Variants in GOLGA6L2 observed in about 807,000 individuals in gnomAD.
The protein encoded by GOLGA6L2 is golgin subfamily A member 6-like protein 2.
A neutral mutation model predicts 35.9 loss-of-function variants in GOLGA6L2; 30 were observed. The ratio of observed to expected loss-of-function variants is 0.83; its 90% CI spans 0.62 to 1.13. GOLGA6L2 has a LOEUF of 1.13. Among genes scored for constraint, GOLGA6L2 ranks in the 50% most tolerant of loss-of-function variants. The pLI, the probability that GOLGA6L2 is intolerant of heterozygous loss-of-function variation, is 0.00. For missense variants in GOLGA6L2, 821 were observed against 973.4 expected (o/e 0.84, Z 2.08); for synonymous variants, 297 against 344.0 (o/e 0.86, Z 1.51).
chr15:23,443,824 G>C lies in GOLGA6L2; in HGVS notation c.544C>G (p.Gln182Glu). ...GTGGACACAGCAGAGAGAGCCCGCT[G>C]TAACTCTCCTGCAAAGTGCCAGGAA... Reference protein sequence around the residue: ...HHSWHFAGELQRALSAVSTWH... With the variant: ...HHSWHFAGELERALSAVSTWH... The change falls in exon 5 of 8, where the codon CAG becomes GAG. Residue 182 changes from glutamine to glutamate, a missense_variant. Gln to Glu is a conservative substitution (Grantham distance 29). This residue lies in a region of GOLGA6L2 where 614 missense variants were observed against 632.3 expected (regional missense o/e 0.97). Coordinates refer to ENST00000567107, the MANE Select transcript of GOLGA6L2 (RefSeq NM_001304388.2). 1.3e-6 allele frequency: 2 copies of C among 1,540,022 alleles called. No homozygotes were observed. Among genetic ancestry groups the C allele is most frequent in the Non-Finnish European group, 1.7e-6 (2 of 1,149,150 alleles).
intron 3 of GOLGA6L2, 23 bp downstream of exon 3, chr15:23,444,445 TGTC>T: frequency 1.2e-6 from 2 of 1,600,278 alleles, no homozygotes. Flanking sequence ...CCAGCAGTCA[TGTC>T]GTGAGCAAAC....
At chr15:23,442,306 T>G in intron 6 of GOLGA6L2, 144 bp downstream of exon 6, 1 of 1,160,066 alleles carries the variant, frequency 8.6e-7, no homozygotes, top group Non-Finnish European at 1.2e-6. Context: ...CATGAGTCAG[T>G]GGCACAGCCG....
Position 23,439,704 on chromosome 15 carries a change from C to A in GOLGA6L2, c.*41G>T, listed in dbSNP as rs747677893. The A allele has an allele frequency of 2.0e-6, 3 of 1,537,256 alleles. No homozygotes were observed. The highest frequency in any genetic ancestry group is 2.6e-6 in the Non-Finnish European group (3 of 1,147,188). ...TTGTCCTGCGGAGAACCCTCCCCAG[C>A]CTCTCCTCCTGCAGGCTCCACACTG... On this transcript the variant is annotated 3_prime_UTR_variant, in exon 8 of 8. Transcript: ENST00000567107.
chr15:23,440,776 C>CCGCATCTTCTCCTCCTGCTTT lies in GOLGA6L2; in HGVS notation c.1698_1699insAAAGCAGGAGGAGAAGATGCG (p.Ala566_Gly567insLysAlaGlyGlyGluAspAla). On this transcript the variant is annotated inframe_insertion, in exon 8 of 8. Transcript: ENST00000567107. Reference sequence around the variant, plus strand: ...GGTCCCACATCTTCTGCTCCTGATCCCGCATCTTCTCCTCCTGCTCCCACA... The same window carrying CCGCATCTTCTCCTCCTGCTTT: ...GGTCCCACATCTTCTGCTCCTGATCCCGCATCTTCTCCTCCTGCTTTCGCATCTTCTCCTCCTGCTCCCACA... The CCGCATCTTCTCCTCCTGCTTT allele has an allele frequency of 6.9e-7, 1 of 1,444,682 alleles. No individual in the cohort carries two copies. The highest frequency in any genetic ancestry group is 9.1e-7 in the Non-Finnish European group (1 of 1,096,588). The allele number at this position is 1,444,682 out of a possible 1,614,324, so 89.5% of individuals were successfully genotyped here.
Position 23,444,065 on chromosome 15 carries a change from A to G in GOLGA6L2, c.303T>C (p.Asp101=). The G allele has an allele frequency of 1.3e-6, 2 of 1,566,262 alleles. No homozygotes were observed. Among genetic ancestry groups the G allele is most frequent in the Non-Finnish European group, 1.7e-6 (2 of 1,161,504 alleles). Residue 101 remains aspartate (D), a synonymous_variant, in exon 5 of 8, where the codon GAT becomes GAC. Transcript: ENST00000567107. ...GACACGTGAGAATTCGTATTGTATG[A>G]TCCTGGGCCTTTGGGAGAAAAGACA... The part of the protein sequence containing the change: ...EALRREIEAQ[D]HTIRILTCQK...
At position 23,443,972 on chromosome 15, in the gene GOLGA6L2, G is replaced by A; in HGVS notation, c.396C>T (p.Asn132=). The change falls in exon 5 of 8, where the codon AAC becomes AAT. Residue 132 remains asparagine (N), a synonymous_variant. Coordinates refer to ENST00000567107, the MANE Select transcript of GOLGA6L2 (RefSeq NM_001304388.2). ...GGTTGAAGGATGATGGGGTGCCCAG[G>A]TTCCCATCTTCAAATTTCCTGGCAG... ...QDAARKFEDG[N]LGTPSSFNLA... is the part of the protein sequence containing the mutation. 1 of 1,562,290 alleles carries A rather than the reference G, an allele frequency of 6.4e-7. No homozygotes were observed. The highest frequency in any genetic ancestry group is 8.6e-7 in the Non-Finnish European group (1 of 1,160,682).
intron 1 of GOLGA6L2, 136 bp downstream of exon 1, chr15:23,446,962 G>A (rs899670358): frequency 1.8e-6 from 1 of 559,730 alleles, no homozygotes; most frequent in African/African-American, 2.0e-5. Context: ...GATTTTGATT[G>A]GGGGAGCCCA....
rs1262475401 is a variant in GOLGA6L2 at position 23,440,726 on chromosome 15, T to A, written c.1749A>T (p.Gly583=). Residue 583 remains glycine (G), a synonymous_variant, in exon 8 of 8, where the codon GGA becomes GGT. Coordinates refer to ENST00000567107, the MANE Select transcript of GOLGA6L2 (RefSeq NM_001304388.2). ...VGPGGEDVGA[G]REAAGEGGEN... The stretch of plus-strand genomic sequence containing the variant: ...CTCCTCCTTCTCCCGCAGCCTCTCG[T>A]CCTGCTCCCACATCCTCTCCTCCTG... The A allele has an allele frequency of 5.2e-5, 79 of 1,514,016 alleles. No individual in the cohort carries two copies. The highest frequency in any genetic ancestry group is 7.0e-5 in the Non-Finnish European group (79 of 1,127,062). 93.8% of individuals were successfully genotyped at this position (1,514,016 alleles called of 1,614,324 possible).
Position 23,441,454 on chromosome 15 carries a change from TCTGCTCCCGCAGCTCCTTCTC to T in GOLGA6L2, c.1000_1020del (p.Glu334_Gln340del), listed in dbSNP as rs1260871958. The T allele has an allele frequency of 5.1e-6, 7 of 1,381,818 alleles. No individual in the cohort carries two copies. The highest frequency in any genetic ancestry group is 1.3e-5 in the South Asian group (1 of 74,682). The allele number at this position is 1,381,818 out of a possible 1,614,324, so 85.6% of individuals were successfully genotyped here. A position where few individuals can be genotyped will look rare whatever the true frequency, so the allele number is the denominator to read the frequency against. On this transcript the variant is annotated inframe_deletion, in exon 8 of 8. Transcript: ENST00000567107. ...TGCTCCTCCTGCTCCCGCAGCTTCT[TCTGCTCCCGCAGCTCCTTCTC>T]CTGCTCCCGCAGCTCCTTCTCCTGC... is the stretch of plus-strand genomic sequence containing the variant.
In GOLGA6L2 at chr15:23,441,908, C is replaced by T. The variant is rs2070697959; in HGVS notation, c.792+71G>A. On this transcript the variant is annotated intron_variant, in intron 7 of 7. Coordinates refer to ENST00000567107, the MANE Select transcript of GOLGA6L2 (RefSeq NM_001304388.2). The stretch of plus-strand genomic sequence containing the variant: ...GCTCTTGGCTGGACCCTCCCCATAC[C>T]TTGCATGATCCCTAGACCATGGTCC... 4.0e-6 allele frequency: 6 copies of T among 1,504,900 alleles called. No homozygotes were observed. In the African/African-American group the frequency reaches 7.0e-5, roughly 18 times the overall value. The allele number at this position is 1,504,900 out of a possible 1,614,324, so 93.2% of individuals were successfully genotyped here. A position where few individuals can be genotyped will look rare whatever the true frequency, so the allele number is the denominator to read the frequency against.
chr15:23,441,949 C>T, intron 7 of GOLGA6L2, 30 bp downstream of exon 7: 1 of 1,538,448 alleles, frequency 6.5e-7, no homozygotes, highest in Non-Finnish European at 8.7e-7. Flanking sequence ...GGATGGGTCT[C>T]CCACAACCCC....
In GOLGA6L2 at chr15:23,444,493, T is replaced by C. The variant is rs1232968625; in HGVS notation, c.221A>G (p.Gln74Arg). ...EGCHSPEDTQQNRAQLKEEKK... is the reference protein window; with the variant it reads ...EGCHSPEDTQRNRAQLKEEKK... ...TACTTCTTTCAGCTGCGCTCGGTTCTGTTGTGTCTGTGGGGAGAGTCAAAG... is the reference window on the plus strand; with the variant it reads ...TACTTCTTTCAGCTGCGCTCGGTTCCGTTGTGTCTGTGGGGAGAGTCAAAG... Residue 74 changes from glutamine to arginine, a missense_variant, in exon 3 of 8, where the codon CAG becomes CGG. Around this residue, in one of 7 missense-constraint regions of GOLGA6L2, gnomAD observed 614 missense variants for 632.3 expected, o/e 0.97. Transcript: ENST00000567107. The C allele has an allele frequency of 1.3e-6, 2 of 1,599,842 alleles. No homozygotes were observed. The highest frequency in any genetic ancestry group is 8.5e-7 in the Non-Finnish European group (1 of 1,179,816).
At chr15:23,444,448 C>T (rs781162071) in intron 3 of GOLGA6L2, 23 bp downstream of exon 3, 20 of 1,600,254 alleles carry the variant, frequency 1.2e-5, no homozygotes, top group Admixed American at 6.7e-5. Context: ...GCAGTCATGT[C>T]GTGAGCAAAC....
At chr15:23,446,966 G>A in intron 1 of GOLGA6L2, 132 bp downstream of exon 1, 1 of 565,092 alleles carries the variant, frequency 1.8e-6, no homozygotes. Flanking sequence ...TTGATTGGGG[G>A]AGCCCAGCGG....
intron 1 of GOLGA6L2, among the ~76,000 whole-genome samples, chr15:23,446,370 T>C (rs986553545): frequency 1.3e-5 from 2 of 152,170 alleles, no homozygotes; most frequent in African/African-American, 4.8e-5. Context: ...CTGAAACTTC[T>C]CGCTGCTAGG....
At chr15:23,447,024 T>C in intron 1 of GOLGA6L2, 74 bp downstream of exon 1, 1 of 682,904 alleles carries the variant, frequency 1.5e-6, no homozygotes, top group Non-Finnish European at 2.5e-6. Context: ...GCATGGACTC[T>C]GGCAGATGTT....
intron 5 of GOLGA6L2, among the ~76,000 whole-genome samples, 179 bp downstream of exon 5, chr15:23,443,598 T>G (rs1596041293): frequency 6.6e-6 from 1 of 152,088 alleles, no homozygotes; most frequent in African/African-American, 2.4e-5. Context: ...GCCCCCCAAC[T>G]CACCCACAGC....
At position 23,441,298 on chromosome 15, in the gene GOLGA6L2, G is replaced by T. The variant is rs755447874; in HGVS notation, c.1177C>A (p.Arg393=). Reference sequence around the variant, plus strand: ...TCCCACATCCTCTCCTCTTGGTCCCGCATCTTCTGCTCCTGCTCCCGCATC... The same window carrying T: ...TCCCACATCCTCTCCTCTTGGTCCCTCATCTTCTGCTCCTGCTCCCGCATC... ...KQMREQEQKM[R]DQEERMWEQD... is the part of the protein sequence containing the mutation. Residue 393 remains arginine (R), a synonymous_variant, in exon 8 of 8, where the codon CGG becomes AGG. Transcript: ENST00000567107. The T allele has an allele frequency of 1.6e-5, 25 of 1,522,354 alleles. No homozygotes were observed. Among genetic ancestry groups the T allele is most frequent in the Non-Finnish European group, 2.2e-5 (25 of 1,143,338 alleles). The allele number at this position is 1,522,354 out of a possible 1,614,324, so 94.3% of individuals were successfully genotyped here.
intron 2 of GOLGA6L2, among the ~76,000 whole-genome samples, chr15:23,444,856 C>T (rs1271357084): frequency 6.6e-6 from 1 of 151,746 alleles, no homozygotes; most frequent in East Asian, 1.9e-4. Context: ...GACGGTTCTT[C>T]ACTGCTGGGA....
Sources: gnomAD v4.1 joint callset for allele counts (sites outside exome capture counted in the v4.1 genomes callset) on GRCh38, gnomAD v4.1.1 for gene constraint, gnomAD v4.1.1 regional missense constraint, MANE v1.5 for transcripts, NCBI Gene and HGNC (gene_info 2026-07-23, HGNC 2026-07-21) for gene names.